The following AGO3 variants were observed in gnomAD, a reference collection of about 807,000 sequenced individuals.
AGO3 encodes protein argonaute-3.
AGO3 carries 16 observed loss-of-function variants against 105.5 expected under a neutral mutation model. The observed-to-expected ratio is 0.15, with a 90% CI of 0.10 to 0.23. The LOEUF (loss-of-function observed/expected upper bound fraction) is 0.23, where lower values mean the gene tolerates loss of function less well. AGO3 is among the 10% of genes least tolerant of loss of function. The pLI, the probability that AGO3 is intolerant of heterozygous loss-of-function variation, is 1.00. For synonymous variants in AGO3, 340 were observed against 367.3 expected (o/e 0.93, Z 0.85); for missense variants, 534 against 1,088.0 (o/e 0.49, Z 7.16).
chr1:35,962,769 T>C (rs957983939), intron 2 of AGO3, among the ~76,000 whole-genome samples: 1 of 152,108 alleles, frequency 6.6e-6, no homozygotes, highest in Non-Finnish European at 1.5e-5. Flanking sequence ...TTGCTGTTTA[T>C]AAAGAAGAAC....
chr1:36,071,085 G>A lies in AGO3; in HGVS notation c.*15340G>A, dbSNP rs1355919608. 6.6e-6 allele frequency: 1 copy of A among 152,138 alleles called. No homozygotes were observed. Among genetic ancestry groups the A allele is most frequent in the East Asian group, 1.9e-4 (1 of 5,202 alleles). The allele number at this position is 152,138 out of a possible 1,614,324, so 9.4% of individuals were successfully genotyped here. A position where few individuals can be genotyped will look rare whatever the true frequency, so the allele number is the denominator to read the frequency against. On this transcript the variant is annotated 3_prime_UTR_variant, in exon 19 of 19. Transcript: ENST00000373191. ...TCAATGGTAATATGACCATTGCAGT[G>A]TAATCTGACTGCTCACTCTAGAGAA...
At chr1:36,016,041 C>T (rs373987880) in intron 11 of AGO3, among the ~76,000 whole-genome samples, 24 of 152,272 alleles carry the variant, frequency 1.6e-4, no homozygotes, top group African/African-American at 5.8e-4. Flanking sequence ...AAATGAAGTA[C>T]AGAAACAGAT....
At chr1:35,981,114 G>C (rs1218555831) in intron 5 of AGO3, among the ~76,000 whole-genome samples, 1 of 152,060 alleles carries the variant, frequency 6.6e-6, no homozygotes, top group Non-Finnish European at 1.5e-5. Context: ...ACTGCATTAG[G>C]AATTTTTCAG....
At chr1:35,960,917 T>TA (rs1378655412) in intron 2 of AGO3, among the ~76,000 whole-genome samples, 4 of 152,068 alleles carry the variant, frequency 2.6e-5, no homozygotes, top group South Asian at 4.1e-4. Flanking sequence ...TGATAAAATT[T>TA]ACAATGTTTC....
intron 17 of AGO3, among the ~76,000 whole-genome samples, chr1:36,049,644 A>T (rs180723090): frequency 1.3e-5 from 2 of 152,294 alleles, no homozygotes; most frequent in African/African-American, 2.4e-5. Flanking sequence ...CAATCCAAAT[A>T]TATGCTGCCT....
chr1:35,936,570 C>T (rs1646150478), intron 1 of AGO3, among the ~76,000 whole-genome samples: 1 of 152,164 alleles, frequency 6.6e-6, no homozygotes. Context: ...AGTCCACTCA[C>T]CTCGGCCTCC....
In AGO3 at chr1:35,996,101, G is replaced by A. The variant is rs534615972; in HGVS notation, c.659-8240G>A. ...CACCTATAATCCCAACACTTTGGGAGGCCTAGGCAAGAGAATCGCTTGAGG... is the reference window on the plus strand; with the variant it reads ...CACCTATAATCCCAACACTTTGGGAAGCCTAGGCAAGAGAATCGCTTGAGG... On this transcript the variant is annotated intron_variant, in intron 5 of 18. Coordinates refer to ENST00000373191, the MANE Select transcript of AGO3 (RefSeq NM_024852.4). Among the ~76,000 whole-genome samples the A allele has an allele frequency of 3.3e-5, 5 of 152,238 alleles. No individual in the cohort carries two copies. The East Asian group carries it at 5.8e-4, about 18-fold the overall frequency.
At position 36,027,134 on chromosome 1, in the gene AGO3, G is replaced by A. The variant is rs761567226; in HGVS notation, c.1427G>A (p.Arg476His). 2.5e-6 allele frequency: 4 copies of A among 1,613,366 alleles called. No homozygotes were observed. The African/African-American group carries it at 4.0e-5, about 16-fold the overall frequency. Residue 476 changes from arginine to histidine, a missense_variant, in exon 12 of 19, where the codon CGT becomes CAT. Coordinates refer to ENST00000373191, the MANE Select transcript of AGO3 (RefSeq NM_024852.4). This position sits in a 1 kb window ranked among gnomAD's most constrained non-coding sequence, Gnocchi z 4.0. ...EILKGFTDQL[R>H]KISKDAGMPI... ...TCCAGGGGTTTCACAGACCAGCTGCGTAAGATTTCTAAGGATGCAGGGATG... is the reference window on the plus strand; with the variant it reads ...TCCAGGGGTTTCACAGACCAGCTGCATAAGATTTCTAAGGATGCAGGGATG...
intron 17 of AGO3, among the ~76,000 whole-genome samples, chr1:36,047,696 C>A (rs1312862503): frequency 1.3e-5 from 2 of 152,184 alleles, no homozygotes; most frequent in East Asian, 3.9e-4. Flanking sequence ...GCCTGGGCAA[C>A]ATGGTGATAC....
rs908561219 is a variant in AGO3, at chr1:36,056,560, T to A, written c.*815T>A. 2.6e-5 allele frequency: 4 copies of A among 151,744 alleles called. No individual in the cohort carries two copies. The highest frequency in any genetic ancestry group is 9.7e-5 in the African/African-American group (4 of 41,122). The allele number at this position is 151,744 out of a possible 1,614,324, so 9.4% of individuals were successfully genotyped here. On this transcript the variant is annotated 3_prime_UTR_variant, in exon 19 of 19. Transcript: ENST00000373191. ...GATATTGCTGTCTTAAGAAACAAAATTTTATATATATATGTATACATACAT... is the reference window on the plus strand; with the variant it reads ...GATATTGCTGTCTTAAGAAACAAAAATTTATATATATATGTATACATACAT...
intron 1 of AGO3, among the ~76,000 whole-genome samples, chr1:35,943,322 G>A (rs61776959): frequency 7.0e-6 from 1 of 143,840 alleles, no homozygotes; most frequent in East Asian, 2.1e-4. Flanking sequence ...TTTTTTTTGG[G>A]ACAGAATCTC....
At chr1:36,012,242 G>A (rs1640650320) in intron 9 of AGO3, among the ~76,000 whole-genome samples, 1 of 151,748 alleles carries the variant, frequency 6.6e-6, no homozygotes, top group African/African-American at 2.4e-5. Flanking sequence ...GCTGGGGTGG[G>A]AGGATCGCTT....
rs59873910 is a variant in AGO3 at position 35,943,601 on chromosome 1, C to CT, written c.20-2073dup. ...CAGGTGTGAGCCACCACCCCCAGCC[C>CT]TTTTTTTTTTTTTTTTTTAAGTAAA... On this transcript the variant is annotated intron_variant, in intron 1 of 18. Coordinates refer to ENST00000373191, the MANE Select transcript of AGO3 (RefSeq NM_024852.4). Among the ~76,000 whole-genome samples, 1,055 of 123,426 alleles carry CT rather than the reference C, an allele frequency of 8.5e-3. 2 individuals carry two copies. The highest frequency in any genetic ancestry group is 0.013 in the African/African-American group (420 of 32,596). The allele number at this position is 123,426 out of a possible 152,430, so 81.0% of individuals were successfully genotyped here.
chr1:35,949,122 T>G (rs1396469479), intron 2 of AGO3, among the ~76,000 whole-genome samples: 1 of 152,068 alleles, frequency 6.6e-6, no homozygotes, highest in Non-Finnish European at 1.5e-5. Flanking sequence ...TTTGTATTAT[T>G]AGTAGAGATG....
At chr1:35,933,737 C>T (rs1008359760) in intron 1 of AGO3, among the ~76,000 whole-genome samples, 8 of 147,618 alleles carry the variant, frequency 5.4e-5, no homozygotes, top group African/African-American at 2.0e-4. Flanking sequence ...AGTCTATTGA[C>T]TCAGTATTGA....
chr1:36,050,452 C>T (rs1557714716), intron 17 of AGO3, among the ~76,000 whole-genome samples: 1 of 151,994 alleles, frequency 6.6e-6, no homozygotes, highest in Non-Finnish European at 1.5e-5. Context: ...CGCCACTGCA[C>T]TCCAGCCTGG....
intron 17 of AGO3, among the ~76,000 whole-genome samples, chr1:36,046,438 T>C (rs1642472711): frequency 6.6e-6 from 1 of 151,784 alleles, no homozygotes; most frequent in South Asian, 2.1e-4. Flanking sequence ...ACACCTGTAA[T>C]CCCAGCACTT....
rs977360953 is a variant in AGO3, at chr1:35,931,411, C to T, written c.-16C>T. 8 of 1,486,608 alleles carry T rather than the reference C, an allele frequency of 5.4e-6. No homozygotes were observed. The highest frequency in any genetic ancestry group is 4.0e-5 in the South Asian group (3 of 74,500). 92.1% of individuals were successfully genotyped at this position (1,486,608 alleles called of 1,614,324 possible). A position where few individuals can be genotyped will look rare whatever the true frequency, so the allele number is the denominator to read the frequency against. On this transcript the variant is annotated 5_prime_UTR_variant, in exon 1 of 19. Transcript: ENST00000373191. ...GGGCTCCGTTCTCCCTCGAAGCACT[C>T]CCCCCAGCTCCATGAATGGAAATCG...
chr1:36,034,478 A>C, intron 13 of AGO3, 145 bp downstream of exon 13: 1 of 554,386 alleles, frequency 1.8e-6, no homozygotes, highest in Non-Finnish European at 2.7e-6. Flanking sequence ...TTTGGTAAAA[A>C]AATAATTTGG....
Sources: gnomAD v4.1 joint callset for allele counts (sites outside exome capture counted in the v4.1 genomes callset) on GRCh38, gnomAD v4.1.1 for gene constraint, Gnocchi (gnomAD v3.1) non-coding constraint, MANE v1.5 for transcripts, NCBI Gene and HGNC (gene_info 2026-07-23, HGNC 2026-07-21) for gene names.